The following TENM3 variants were observed in gnomAD, a reference collection of about 807,000 sequenced individuals.
TENM3 encodes teneurin-3.
In TENM3, 63 loss-of-function variants were observed where a neutral mutation model predicts 255.1. The ratio of observed to expected loss-of-function variants is 0.25; its 90% CI spans 0.20 to 0.30. TENM3 has a LOEUF of 0.30. Among genes scored for constraint, TENM3 ranks in the 10% least tolerant of loss-of-function variants. The pLI, the probability that TENM3 is intolerant of heterozygous loss-of-function variation, is 1.00. For synonymous variants in TENM3, 1,306 were observed against 1,322.3 expected (o/e 0.99, Z 0.27); for missense variants, 2,929 against 3,461.1 (o/e 0.85, Z 3.86).
At chr4:181,499,372 A>G in the TENM3 span, among the ~76,000 whole-genome samples, 5 of 152,222 alleles carry the variant, frequency 3.3e-5, no homozygotes, top group African/African-American at 1.2e-4. Flanking sequence ...TTTTCAGTCA[A>G]TGATAGCATC....
At chr4:181,891,201 T>G in the TENM3 span, among the ~76,000 whole-genome samples, 1 of 152,226 alleles carries the variant, frequency 6.6e-6, no homozygotes, top group Admixed American at 6.5e-5. Context: ...CGTAAATTAG[T>G]TCAGCTAAAC....
the TENM3 span, among the ~76,000 whole-genome samples, chr4:181,685,617 T>C: frequency 1.3e-5 from 2 of 152,090 alleles, no homozygotes; most frequent in African/African-American, 4.8e-5. Context: ...TGAAAAGATC[T>C]CCAAAAGAAA....
At chr4:181,758,612 G>A in the TENM3 span, among the ~76,000 whole-genome samples, 38 of 152,218 alleles carry the variant, frequency 2.5e-4, no homozygotes, top group African/African-American at 8.2e-4. Context: ...TGCACCTTAC[G>A]GAACAGAATA....
chr4:182,742,885 G>A (rs2152734417), intron 18 of TENM3, among the ~76,000 whole-genome samples: 1 of 152,292 alleles, frequency 6.6e-6, no homozygotes, highest in East Asian at 1.9e-4. Flanking sequence ...CATCACTGAT[G>A]TTGAGAATTG....
At chr4:181,539,492 A>G in the TENM3 span, among the ~76,000 whole-genome samples, 1 of 152,210 alleles carries the variant, frequency 6.6e-6, no homozygotes, top group African/African-American at 2.4e-5. Flanking sequence ...CTTCATAATG[A>G]GATGAGTGTT....
the TENM3 span, among the ~76,000 whole-genome samples, chr4:181,454,880 A>G: frequency 1.3e-5 from 2 of 151,922 alleles, no homozygotes; most frequent in Non-Finnish European, 2.9e-5. Context: ...ATATGGTCAG[A>G]TTAAAGGTTT....
chr4:182,319,027 C>CA (rs1282177399), intron 1 of TENM3, among the ~76,000 whole-genome samples: 2 of 152,168 alleles, frequency 1.3e-5, no homozygotes, highest in Non-Finnish European at 2.9e-5. Context: ...CTCAGCCTCC[C>CA]AAAGTGCTGG....
intron 13 of TENM3, among the ~76,000 whole-genome samples, chr4:182,725,643 T>TC (rs1760106076): frequency 6.7e-6 from 1 of 148,542 alleles, no homozygotes; most frequent in African/African-American, 2.5e-5. Context: ...TTTCTTTTTT[T>TC]TTTTTTCTTT....
rs930707096 is a variant in TENM3, at chr4:182,322,230, G to C, written c.-75-1716G>C. Among the ~76,000 whole-genome samples, 78 of 152,216 alleles carry C rather than the reference G, an allele frequency of 5.1e-4. 1 individual carries two copies. Among genetic ancestry groups the C allele is most frequent in the African/African-American group, 1.8e-3 (74 of 41,538 alleles). On this transcript the variant is annotated intron_variant, in intron 1 of 27. Coordinates refer to ENST00000511685, the MANE Select transcript of TENM3 (RefSeq NM_001080477.4). The stretch of plus-strand genomic sequence containing the variant: ...TAAAAACCAAATTCATGGAAAAGAA[G>C]ACAAAGGTAGAGAAATCAAGATATA...
chr4:182,703,156 A>G (rs115884313), intron 12 of TENM3, among the ~76,000 whole-genome samples: 1,690 of 152,352 alleles, frequency 0.011, 34 homozygotes, highest in African/African-American at 0.038. Context: ...TTGAAAATAA[A>G]TTAATGTATA....
chr4:181,678,560 T>A, the TENM3 span, among the ~76,000 whole-genome samples: 1 of 152,026 alleles, frequency 6.6e-6, no homozygotes, highest in Non-Finnish European at 1.5e-5. Context: ...GTAGCTGGGG[T>A]GTATTTATGG....
intron 3 of TENM3, among the ~76,000 whole-genome samples, chr4:182,460,605 AT>A (rs1561470682): frequency 6.6e-6 from 1 of 152,144 alleles, no homozygotes; most frequent in Non-Finnish European, 1.5e-5. Flanking sequence ...TCTAAATTTT[AT>A]TTTTTTAAAT....
At chr4:181,994,864 C>A in the TENM3 span, among the ~76,000 whole-genome samples, 1 of 152,120 alleles carries the variant, frequency 6.6e-6, no homozygotes, top group Admixed American at 6.5e-5. Context: ...TCACATAAGG[C>A]TTTCAGATAC....
Position 182,324,158 on chromosome 4 carries a change from A to T in TENM3, c.138A>T (p.Thr46=). The T allele has an allele frequency of 6.2e-7, 1 of 1,614,026 alleles. No homozygotes were observed. Residue 46 remains threonine (T), a synonymous_variant, in exon 2 of 28, where the codon ACA becomes ACT. Transcript: ENST00000511685. ...AGAAGTCCTACAGTTCCAGCGAGAC[A>T]TTGAAAGCTTTTGATCATGATTCCT... ...PTQKSYSSSE[T]LKAFDHDSSR... is the part of the protein sequence containing the mutation.
intron 1 of TENM3, among the ~76,000 whole-genome samples, chr4:182,203,076 G>A (rs913301219): frequency 2.0e-5 from 3 of 152,038 alleles, no homozygotes; most frequent in Non-Finnish European, 4.4e-5. Flanking sequence ...AATTAGCCAG[G>A]CGTAGTGGTG....
At chr4:181,560,032 A>T in the TENM3 span, among the ~76,000 whole-genome samples, 1 of 152,174 alleles carries the variant, frequency 6.6e-6, no homozygotes, top group East Asian at 1.9e-4. Flanking sequence ...TATTTTAATG[A>T]CTTGTCTTAG....
chr4:181,546,680 C>G, the TENM3 span, among the ~76,000 whole-genome samples: 1 of 140,052 alleles, frequency 7.1e-6, no homozygotes, highest in Admixed American at 7.5e-5. Context: ...CGCCACTGCA[C>G]TCCAGCCTGG....
At chr4:182,263,284 T>C (rs1260209301) in intron 1 of TENM3, among the ~76,000 whole-genome samples, 2 of 151,864 alleles carry the variant, frequency 1.3e-5, no homozygotes, top group African/African-American at 2.4e-5. Context: ...GGTTCCTGGG[T>C]AAATAATGGG....
chr4:181,575,804 C>A, the TENM3 span, among the ~76,000 whole-genome samples: 1 of 152,194 alleles, frequency 6.6e-6, no homozygotes, highest in African/African-American at 2.4e-5. Flanking sequence ...CAGCAGCCTG[C>A]TGTCAGACTG....
Sources: gnomAD v4.1 joint callset for allele counts (sites outside exome capture counted in the v4.1 genomes callset) on GRCh38, gnomAD v4.1.1 for gene constraint, MANE v1.5 for transcripts, NCBI Gene and HGNC (gene_info 2026-07-23, HGNC 2026-07-21) for gene names.